CACHD1: variants seen among roughly 807,000 people sequenced by gnomAD.
CACHD1 encodes the protein VWFA and cache domain-containing protein 1.
In CACHD1, 71 loss-of-function variants were observed where a neutral mutation model predicts 138.7. That is an observed-to-expected ratio of 0.51 (90% CI 0.42 to 0.62). The LOEUF (loss-of-function observed/expected upper bound fraction) is 0.62. CACHD1 is among the 20% of genes least tolerant of loss of function. The pLI is 0.00. For missense variants in CACHD1, 1,389 were observed against 1,625.3 expected (o/e 0.85, Z 2.50); for synonymous variants, 578 against 591.5 (o/e 0.98, Z 0.33).
rs1570475467 is a variant in CACHD1 at position 64,677,005 on chromosome 1, A to G, written c.3086A>G (p.Glu1029Gly). Residue 1029 changes from glutamate (E) to glycine (G), a missense_variant, in exon 22 of 27, where the codon GAA becomes GGA. By Grantham distance (98) the Glu-to-Gly change is moderately conservative. Transcript: ENST00000651257. ...AACAGCAGGTGCAGTCAGAGGCTGG[A>G]AAGTGGGTAAGCAGAATCTAGTAAA... ...CVNSRCSQRL[E>G]SGDCFGVLDC... The G allele has an allele frequency of 1.2e-6, 2 of 1,611,818 alleles. No homozygotes were observed. Among genetic ancestry groups the G allele is most frequent in the Non-Finnish European group, 1.7e-6 (2 of 1,178,188 alleles).
At chr1:64,471,586 A>T (rs1394748943) in intron 1 of CACHD1, among the ~76,000 whole-genome samples, 2 of 152,148 alleles carry the variant, frequency 1.3e-5, no homozygotes, top group Admixed American at 6.5e-5. Context: ...GGCCTGGTAG[A>T]TTCTGGGTAG....
intron 1 of CACHD1, among the ~76,000 whole-genome samples, chr1:64,478,834 AG>A (rs1217981774): frequency 1.3e-5 from 2 of 152,136 alleles, no homozygotes; most frequent in African/African-American, 2.4e-5. Flanking sequence ...CCAAGGGTGA[AG>A]GGGGGCAGGA....
In CACHD1 at chr1:64,643,644, G is replaced by A. The variant is rs183173759; in HGVS notation, c.1156+1675G>A. Among the ~76,000 whole-genome samples the A allele has an allele frequency of 6.1e-3, 931 of 152,196 alleles. 12 individuals carry two copies. The highest frequency in any genetic ancestry group is 0.021 in the African/African-American group (883 of 41,538). On this transcript the variant is annotated intron_variant, in intron 8 of 26. Transcript: ENST00000651257. ...GAGGTCAGGAGATCAAGACCATCCT[G>A]GCTAACACGGTGAAACCCCATCTCT...
In CACHD1 at chr1:64,602,709, C is replaced by G. The variant is rs559035954; in HGVS notation, c.411-97C>G. On this transcript the variant is annotated intron_variant, in intron 3 of 26. Transcript: ENST00000651257. ...ATCTAAATCATAGTTGTACTGTTTA[C>G]GGGCTGACCTATCTTGTACACAATG... 3.7e-5 allele frequency: 29 copies of G among 774,844 alleles called. No individual in the cohort carries two copies. In the African/African-American group the frequency reaches 4.7e-4, roughly 13 times the overall value. 48.0% of individuals were successfully genotyped at this position (774,844 alleles called of 1,614,324 possible).
At chr1:64,638,089 C>T (rs1314271553) in intron 7 of CACHD1, among the ~76,000 whole-genome samples, 2 of 152,156 alleles carry the variant, frequency 1.3e-5, no homozygotes, top group African/African-American at 4.8e-5. Flanking sequence ...ACTTCTAGCT[C>T]CAGCTAAACT....
At chr1:64,614,935 C>G (rs1045617464) in intron 4 of CACHD1, among the ~76,000 whole-genome samples, 2 of 152,050 alleles carry the variant, frequency 1.3e-5, no homozygotes, top group East Asian at 3.9e-4. Flanking sequence ...AAAAAATCTC[C>G]TCTGTAACTG....
chr1:64,472,853 CT>C (rs920291996), intron 1 of CACHD1, among the ~76,000 whole-genome samples: 2 of 152,006 alleles, frequency 1.3e-5, no homozygotes, highest in Non-Finnish European at 2.9e-5. Context: ...GGATTCCCCC[CT>C]ATCCCGCCCC....
At chr1:64,545,507 T>A (rs1037092445) in intron 1 of CACHD1, among the ~76,000 whole-genome samples, 2 of 152,252 alleles carry the variant, frequency 1.3e-5, no homozygotes, top group Non-Finnish European at 2.9e-5. Flanking sequence ...GTATCATGTT[T>A]GTGAGATTCA....
chr1:64,644,117 G>A (rs571954203), intron 8 of CACHD1, among the ~76,000 whole-genome samples: 8 of 152,368 alleles, frequency 5.3e-5, no homozygotes, highest in South Asian at 2.1e-4. Flanking sequence ...CATTCTGAGC[G>A]CTTAGCACAG....
chr1:64,679,863 C>T, intron 24 of CACHD1, 107 bp downstream of exon 24: 2 of 1,270,234 alleles, frequency 1.6e-6, no homozygotes, highest in Non-Finnish European at 2.1e-6. Context: ...ATACTTTCAG[C>T]TTCTGTGGAG....
intron 2 of CACHD1, among the ~76,000 whole-genome samples, chr1:64,558,511 T>C (rs1384542675): frequency 1.3e-5 from 2 of 152,214 alleles, no homozygotes; most frequent in Non-Finnish European, 2.9e-5. Context: ...ATTTAGATAC[T>C]GACTTGATAA....
At chr1:64,480,103 T>A (rs1027780188) in intron 1 of CACHD1, among the ~76,000 whole-genome samples, 8 of 152,336 alleles carry the variant, frequency 5.3e-5, no homozygotes, top group Non-Finnish European at 1.0e-4. Flanking sequence ...CCTGTGGAGT[T>A]GTGCAAATCC....
intron 2 of CACHD1, among the ~76,000 whole-genome samples, chr1:64,581,644 T>C (rs940312196): frequency 5.3e-5 from 8 of 152,158 alleles, no homozygotes; most frequent in African/African-American, 1.9e-4. Flanking sequence ...GAATTGCCAT[T>C]CACATGGAAG....
chr1:64,475,591 G>A (rs1017155477), intron 1 of CACHD1, among the ~76,000 whole-genome samples: 1 of 152,092 alleles, frequency 6.6e-6, no homozygotes, highest in Admixed American at 6.5e-5. Flanking sequence ...CAGTCACCCA[G>A]GCTGGAGTGC....
chr1:64,614,845 A>G (rs1157503672), intron 4 of CACHD1, among the ~76,000 whole-genome samples: 1 of 152,176 alleles, frequency 6.6e-6, no homozygotes, highest in African/African-American at 2.4e-5. Flanking sequence ...AAGAATAATT[A>G]ACGTAGAGAC....
At chr1:64,557,296 A>G (rs1289534583) in intron 2 of CACHD1, among the ~76,000 whole-genome samples, 2 of 152,214 alleles carry the variant, frequency 1.3e-5, no homozygotes, top group African/African-American at 4.8e-5. Flanking sequence ...TGATTGGATC[A>G]TTAAATGGAT....
intron 3 of CACHD1, among the ~76,000 whole-genome samples, chr1:64,591,900 G>A (rs1470930811): frequency 6.6e-6 from 1 of 152,154 alleles, no homozygotes; most frequent in African/African-American, 2.4e-5. Context: ...TTAGTTCAGG[G>A]ACCCTGTCAG....
chr1:64,651,584 A>C (rs766685441), intron 9 of CACHD1, among the ~76,000 whole-genome samples: 2 of 152,164 alleles, frequency 1.3e-5, no homozygotes, highest in Non-Finnish European at 2.9e-5. Flanking sequence ...GAGCCCAGGC[A>C]GTTGAGGCCA....
chr1:64,687,296 G>A (rs1650401152), intron 26 of CACHD1, among the ~76,000 whole-genome samples: 1 of 152,170 alleles, frequency 6.6e-6, no homozygotes. Context: ...TGTTGAATAC[G>A]AAAATGTGTT....
Sources: allele counts gnomAD v4.1 joint callset (sites outside exome capture counted in the v4.1 genomes callset), GRCh38; gene constraint gnomAD v4.1.1; transcripts MANE v1.5; gene names NCBI Gene and HGNC (gene_info 2026-07-23, HGNC 2026-07-21).